SDK1: variants seen among roughly 807,000 people sequenced by gnomAD.
SDK1 encodes protein sidekick-1.
SDK1 carries 157 observed loss-of-function variants against 245.5 expected under a neutral mutation model. The ratio of observed to expected loss-of-function variants is 0.64; its 90% CI spans 0.56 to 0.73. SDK1 has a LOEUF of 0.73. Among genes scored for constraint, SDK1 ranks in the 30% least tolerant of loss-of-function variants. The pLI, the probability that SDK1 is intolerant of heterozygous loss-of-function variation, is 0.00. For missense variants in SDK1, 3,583 were observed against 3,002.3 expected, an observed-to-expected ratio of 1.19 and a Z score of -4.52; for synonymous variants, 1,647 against 1,278.5, an observed-to-expected ratio of 1.29 and a Z score of -6.15.
intron 40 of SDK1, 21 bp downstream of exon 40, chr7:4,221,385 A>C (rs1785146873): frequency 6.3e-7 from 1 of 1,592,006 alleles, no homozygotes; most frequent in South Asian, 1.1e-5. Flanking sequence ...AGGCCCCACA[A>C]ACGGGGTCTC....
intron 35 of SDK1, among the ~76,000 whole-genome samples, chr7:4,181,776 G>A (rs111520911): frequency 0.014 from 2,113 of 152,176 alleles, 54 homozygotes; most frequent in African/African-American, 0.048. Context: ...CAAACTCCAC[G>A]TGGCCACACT....
chr7:3,859,578 AGCAGTTTGGACAT>A (rs1485933175), intron 5 of SDK1, among the ~76,000 whole-genome samples: 3 of 152,158 alleles, frequency 2.0e-5, no homozygotes, highest in Non-Finnish European at 4.4e-5. Flanking sequence ...GGCAGCTGGC[AGCAGTTTGGACAT>A]GGTGCATCCT....
intron 1 of SDK1, among the ~76,000 whole-genome samples, chr7:3,554,071 G>T (rs781775118): frequency 6.6e-6 from 1 of 152,178 alleles, no homozygotes; most frequent in Non-Finnish European, 1.5e-5. Flanking sequence ...AATCAGCAAG[G>T]ATGTAGAAGG....
At chr7:3,711,375 G>A (rs187829655) in intron 4 of SDK1, among the ~76,000 whole-genome samples, 2 of 152,306 alleles carry the variant, frequency 1.3e-5, no homozygotes, top group African/African-American at 2.4e-5. Flanking sequence ...CTCTGACCTC[G>A]TAAAATTTAC....
intron 1 of SDK1, among the ~76,000 whole-genome samples, chr7:3,554,262 G>A (rs1187333973): frequency 6.6e-6 from 1 of 152,148 alleles, no homozygotes; most frequent in Non-Finnish European, 1.5e-5. Flanking sequence ...TCTGATCGTA[G>A]TGGAGTCTAT....
At chr7:3,929,956 C>T (rs1164827295) in intron 5 of SDK1, among the ~76,000 whole-genome samples, 1 of 152,090 alleles carries the variant, frequency 6.6e-6, no homozygotes, top group Non-Finnish European at 1.5e-5. Context: ...TGTCACGTTC[C>T]TGAAAGCATG....
chr7:3,791,958 T>C (rs148840444), intron 4 of SDK1, among the ~76,000 whole-genome samples: 2 of 151,580 alleles, frequency 1.3e-5, no homozygotes, highest in East Asian at 2.0e-4. Context: ...AGTTTGTCTT[T>C]CCAAAAAATG....
intron 4 of SDK1, among the ~76,000 whole-genome samples, chr7:3,758,463 G>A (rs1053616618): frequency 5.3e-5 from 8 of 152,132 alleles, no homozygotes; most frequent in African/African-American, 1.7e-4. Context: ...TTAGGTTGGT[G>A]CAAAAATAAT....
chr7:3,622,452 G>T (rs1400433664), intron 2 of SDK1, among the ~76,000 whole-genome samples: 1 of 152,208 alleles, frequency 6.6e-6, no homozygotes, highest in African/African-American at 2.4e-5. Context: ...CTGCACTCCA[G>T]CCTGGGCTAC....
At chr7:3,948,067 C>A (rs146466115) in intron 5 of SDK1, among the ~76,000 whole-genome samples, 3 of 152,138 alleles carry the variant, frequency 2.0e-5, no homozygotes. Context: ...ACAATGAGCA[C>A]TATCCTTGCT....
At chr7:4,113,908 T>C (rs1272245871) in intron 24 of SDK1, 129 bp from the exon 25 acceptor site, 4 of 679,384 alleles carry the variant, frequency 5.9e-6, no homozygotes, top group Non-Finnish European at 1.0e-5. Flanking sequence ...AGTAGATCCT[T>C]CTAAGACTAT....
At chr7:3,945,826 G>A (rs928263873) in intron 5 of SDK1, among the ~76,000 whole-genome samples, 7 of 148,526 alleles carry the variant, frequency 4.7e-5, no homozygotes, top group Admixed American at 2.7e-4. Flanking sequence ...GTGAACCTGG[G>A]GAGCGGAGCT....
At chr7:3,699,473 C>G (rs1482199757) in intron 4 of SDK1, among the ~76,000 whole-genome samples, 1 of 152,034 alleles carries the variant, frequency 6.6e-6, no homozygotes, top group Non-Finnish European at 1.5e-5. Context: ...AATTTTAGAA[C>G]TAGAAAATTT....
At chr7:3,803,223 C>T (rs1414331348) in intron 4 of SDK1, among the ~76,000 whole-genome samples, 5 of 151,932 alleles carry the variant, frequency 3.3e-5, no homozygotes, top group African/African-American at 1.2e-4. Flanking sequence ...TTTTTATGTG[C>T]TTATTTGCCG....
intron 13 of SDK1, among the ~76,000 whole-genome samples, chr7:3,986,197 A>T (rs1370209160): frequency 2.6e-5 from 3 of 115,454 alleles, no homozygotes; most frequent in Middle Eastern, 4.7e-3. Context: ...CCCAGTAAAA[A>T]CTTTTTTTTT....
At chr7:3,463,923 A>T (rs1295489381) in intron 1 of SDK1, among the ~76,000 whole-genome samples, 1 of 152,320 alleles carries the variant, frequency 6.6e-6, no homozygotes, top group South Asian at 2.1e-4. Context: ...TGCCTTAGGC[A>T]TGTGTAACCT....
chr7:3,962,014 AAC>A (rs1781730561), intron 8 of SDK1, among the ~76,000 whole-genome samples: 2 of 152,160 alleles, frequency 1.3e-5, no homozygotes, highest in African/African-American at 4.8e-5. Flanking sequence ...CACACATGTA[AAC>A]ACGTAGACAC....
chr7:3,550,088 C>G (rs1005535271), intron 1 of SDK1, among the ~76,000 whole-genome samples: 2 of 152,000 alleles, frequency 1.3e-5, no homozygotes, highest in African/African-American at 2.4e-5. Context: ...GCTTTATATA[C>G]AAATCATATA....
Position 3,584,787 on chromosome 7 carries a change from G to C in SDK1, c.299-34293G>C, listed in dbSNP as rs187873034. 4.7e-3 allele frequency among the ~76,000 whole-genome samples: 710 copies of C among 151,400 alleles called. 7 individuals carry two copies. Among genetic ancestry groups the C allele is most frequent in the African/African-American group, 0.016 (655 of 41,188 alleles). On this transcript the variant is annotated intron_variant, in intron 1 of 44. Transcript: ENST00000404826. ...CCCCCAGGCTGGAGTGCAGTGGCGC[G>C]ATCTGGGCTCACTTCAAGCTCCGCC... is the stretch of plus-strand genomic sequence containing the variant.
Sources: allele counts gnomAD v4.1 joint callset (sites outside exome capture counted in the v4.1 genomes callset), GRCh38; gene constraint gnomAD v4.1.1; transcripts MANE v1.5; gene names NCBI Gene and HGNC (gene_info 2026-07-23, HGNC 2026-07-21).